CELF2: variants seen among roughly 807,000 people sequenced by gnomAD.
CELF2 encodes CUG triplet repeat RNA-binding protein 2.
Under a neutral mutation model 62.6 loss-of-function variants are expected in CELF2, and 8 were observed. The ratio of observed to expected loss-of-function variants is 0.13; its 90% CI spans 0.07 to 0.23. The LOEUF is 0.23. Among genes scored for constraint, CELF2 ranks in the 10% least tolerant of loss-of-function variants. The pLI, the probability that CELF2 is intolerant of heterozygous loss-of-function variation, is 1.00. For synonymous variants in CELF2, 258 were observed against 250.0 expected (o/e 1.03, Z -0.30); for missense variants, 333 against 671.0 (o/e 0.50, Z 5.56).
At chr10:10,467,655 A>G in the CELF2 span, among the ~76,000 whole-genome samples, 50,341 of 151,892 alleles carry the variant, frequency 0.33, 9,031 homozygotes, top group Admixed American at 0.42. Flanking sequence ...TATAAATTCA[A>G]CTTGTAAAAT....
the CELF2 span, among the ~76,000 whole-genome samples, chr10:10,616,069 CATAAG>C: frequency 6.6e-6 from 1 of 151,908 alleles, no homozygotes; most frequent in Non-Finnish European, 1.5e-5. Flanking sequence ...TAAACAGAAA[CATAAG>C]ATAAGGTGAT....
chr10:11,206,756 G>C (rs1356035922), intron 2 of CELF2, among the ~76,000 whole-genome samples: 1 of 152,196 alleles, frequency 6.6e-6, no homozygotes, highest in African/African-American at 2.4e-5. Context: ...TTGGAATTAG[G>C]TTTTGAAAAA....
chr10:10,493,840 C>G, the CELF2 span, among the ~76,000 whole-genome samples: 1 of 152,106 alleles, frequency 6.6e-6, no homozygotes, highest in East Asian at 1.9e-4. Context: ...CTGCAAAAGC[C>G]CAAACTGTTT....
the CELF2 span, among the ~76,000 whole-genome samples, chr10:10,557,305 G>T: frequency 6.6e-6 from 1 of 150,698 alleles, no homozygotes; most frequent in East Asian, 1.9e-4. Flanking sequence ...TTTCCCCATT[G>T]CTGGTTTTTC....
upstream of CELF2, among the ~76,000 whole-genome samples, chr10:11,016,398 G>A (rs1307058600): frequency 6.6e-6 from 1 of 152,118 alleles, no homozygotes; most frequent in Admixed American, 6.5e-5. The surrounding 1 kb of genome is among the most constrained non-coding windows in gnomAD (Gnocchi z 5.2). Flanking sequence ...GGAAATAGAA[G>A]GTCAAAAGCC....
At chr10:10,583,725 G>A in the CELF2 span, among the ~76,000 whole-genome samples, 25 of 152,122 alleles carry the variant, frequency 1.6e-4, no homozygotes, top group Admixed American at 9.2e-4. Flanking sequence ...AAGAAAGACC[G>A]AGACTGGCAC....
At chr10:11,229,512 A>C (rs1489679472) in intron 3 of CELF2, among the ~76,000 whole-genome samples, 1 of 152,068 alleles carries the variant, frequency 6.6e-6, no homozygotes, top group African/African-American at 2.4e-5. Context: ...CAGGAATAGA[A>C]TCCCTCGGGA....
the CELF2 span, among the ~76,000 whole-genome samples, chr10:10,666,861 C>CAAAAAAAAAAAA: frequency 5.6e-4 from 14 of 24,900 alleles, no homozygotes; most frequent in African/African-American, 8.3e-4. Flanking sequence ...GACTCCGTCT[C>CAAAAAAAAAAAA]AAAAAAAAAA....
chr10:10,871,345 T>A (rs1345524784), intron 1 of CELF2, among the ~76,000 whole-genome samples: 2 of 152,256 alleles, frequency 1.3e-5, no homozygotes, highest in African/African-American at 2.4e-5. Flanking sequence ...ACTAAAAATC[T>A]ATGCGCCACA....
At chr10:10,939,819 TG>T (rs2046851560) in intron 2 of CELF2, among the ~76,000 whole-genome samples, 1 of 151,906 alleles carries the variant, frequency 6.6e-6, no homozygotes, top group African/African-American at 2.4e-5. Context: ...CCGGGCTTGG[TG>T]GCGGATGCCT....
the CELF2 span, among the ~76,000 whole-genome samples, chr10:10,725,536 A>C: frequency 1.3e-5 from 2 of 152,210 alleles, no homozygotes; most frequent in Admixed American, 6.5e-5. Flanking sequence ...TTTCAACTCT[A>C]GTAACTTGAG....
intron 2 of CELF2, chr10:10,960,446 A>G (rs2049368282): frequency 6.6e-6 from 1 of 152,262 alleles, no homozygotes; most frequent in Non-Finnish European, 1.5e-5. Context: ...TGTCAGATAG[A>G]AACATTTATT....
In CELF2 at chr10:11,099,499, C is replaced by T. The variant is rs565026790; in HGVS notation, c.75-65987C>T. ...CGTTGGCTCTTTACGAGGTCTTTGC[C>T]TTAAACAGATACATTTTAGAGATGG... On this transcript the variant is annotated intron_variant, in intron 1 of 12. Transcript: ENST00000633077. Among the ~76,000 whole-genome samples the T allele has an allele frequency of 5.3e-5, 8 of 152,208 alleles. No homozygotes were observed. The East Asian group carries it at 1.4e-3, about 26-fold the overall frequency.
chr10:11,185,657 G>A (rs530618754), intron 2 of CELF2, among the ~76,000 whole-genome samples: 12 of 152,038 alleles, frequency 7.9e-5, no homozygotes, highest in African/African-American at 1.9e-4. Flanking sequence ...CAGGTGATGC[G>A]CCTGCCTCAG....
the CELF2 span, among the ~76,000 whole-genome samples, chr10:10,507,736 G>T: frequency 1.2e-5 from 1 of 82,834 alleles, no homozygotes; most frequent in Non-Finnish European, 3.2e-5. Context: ...GAATGTTTTT[G>T]AATTCAATTT....
chr10:10,675,618 T>G, the CELF2 span, among the ~76,000 whole-genome samples: 1 of 152,112 alleles, frequency 6.6e-6, no homozygotes, highest in African/African-American at 2.4e-5. Flanking sequence ...TTTTTTTTAG[T>G]TTTCCTATAG....
At chr10:10,600,366 G>A in the CELF2 span, among the ~76,000 whole-genome samples, 1 of 152,224 alleles carries the variant, frequency 6.6e-6, no homozygotes, top group Non-Finnish European at 1.5e-5. Context: ...CCACAGGACT[G>A]CTTGTAACAT....
At chr10:11,111,716 T>C (rs774774131) in intron 1 of CELF2, among the ~76,000 whole-genome samples, 26 of 152,246 alleles carry the variant, frequency 1.7e-4, no homozygotes, top group Middle Eastern at 3.2e-3. Context: ...TGCATCTTCC[T>C]GTGCTATGTC....
At chr10:10,623,844 A>C in the CELF2 span, among the ~76,000 whole-genome samples, 1 of 152,226 alleles carries the variant, frequency 6.6e-6, no homozygotes, top group African/African-American at 2.4e-5. Context: ...CCCAACTTAC[A>C]GGTCAAGAAG....
Sources: allele counts gnomAD v4.1 joint callset (sites outside exome capture counted in the v4.1 genomes callset), GRCh38; gene constraint gnomAD v4.1.1; non-coding constraint Gnocchi (gnomAD v3.1); transcripts MANE v1.5; gene names NCBI Gene and HGNC (gene_info 2026-07-23, HGNC 2026-07-21).